Variants in CHODL observed in about 807,000 individuals in gnomAD.
The protein encoded by CHODL is transmembrane protein MT75.
CHODL carries 29 observed loss-of-function variants against 34.5 expected under a neutral mutation model. The observed-to-expected ratio is 0.84, with a 90% CI of 0.63 to 1.15. The LOEUF (loss-of-function observed/expected upper bound fraction) is 1.15. CHODL is among the 50% of genes most tolerant of loss of function. The pLI, the probability that CHODL is intolerant of heterozygous loss-of-function variation, is 0.00. For synonymous variants in CHODL, 125 were observed against 116.1 expected, an observed-to-expected ratio of 1.08 and a Z score of -0.49; for missense variants, 332 against 332.5, an observed-to-expected ratio of 1.00 and a Z score of 0.01.
upstream of CHODL, among the ~76,000 whole-genome samples, chr21:18,244,616 C>A (rs1377377827): frequency 6.6e-6 from 1 of 152,138 alleles, no homozygotes; most frequent in Non-Finnish European, 1.5e-5. Context: ...CAAAGAGTAT[C>A]CAGTCCGCTA....
At chr21:17,965,058 C>T (rs1370558589) in intron 1 of CHODL, among the ~76,000 whole-genome samples, 1 of 152,190 alleles carries the variant, frequency 6.6e-6, no homozygotes, top group East Asian at 1.9e-4. Context: ...ATTAAATTTA[C>T]ATTTTAATTT....
At chr21:17,993,723 G>T (rs573980013) in intron 1 of CHODL, among the ~76,000 whole-genome samples, 1 of 152,292 alleles carries the variant, frequency 6.6e-6, no homozygotes, top group East Asian at 1.9e-4. Flanking sequence ...ATTCCTTTGG[G>T]AATATATCCA....
chr21:18,187,912 T>G (rs946516778), intron 2 of CHODL, among the ~76,000 whole-genome samples: 3 of 152,166 alleles, frequency 2.0e-5, no homozygotes, highest in African/African-American at 7.2e-5. Context: ...TTTGTTTACC[T>G]TCAGGCAAAA....
chr21:17,935,581 T>C lies in CHODL; in HGVS notation c.-145+18181T>C, dbSNP rs146101440. Among the ~76,000 whole-genome samples, 8 of 152,344 alleles carry C rather than the reference T, an allele frequency of 5.3e-5. No individual in the cohort carries two copies. The East Asian group carries it at 1.5e-3, about 29-fold the overall frequency. On this transcript the variant is annotated intron_variant, in intron 1 of 6. Coordinates refer to the CHODL transcript ENST00000400127. ...AAATGAATAATTTAAGTGACAAATG[T>C]CAAGAATTATCTTTTTTAACAAAAT... is the stretch of plus-strand genomic sequence containing the variant.
chr21:18,141,723 GAAA>G lies in CHODL; in HGVS notation c.-45+113766_-45+113768del, dbSNP rs11308901. ...AGGAGATCCCCTTGAGAAAGAACAG[GAAA>G]AAAAAAAAAAAAAGAAAATGATAAT... On this transcript the variant is annotated intron_variant, in intron 2 of 6. Coordinates refer to the CHODL transcript ENST00000400127. Among the ~76,000 whole-genome samples the G allele has an allele frequency of 1.3e-3, 159 of 124,596 alleles. 1 individual carries two copies. Among genetic ancestry groups the G allele is most frequent in the African/African-American group, 4.2e-3 (152 of 36,228 alleles). 81.7% of individuals were successfully genotyped at this position (124,596 alleles called of 152,430 possible).
intron 1 of CHODL, 93 bp downstream of exon 1, chr21:18,245,395 G>A: frequency 8.8e-7 from 1 of 1,130,540 alleles, no homozygotes; most frequent in South Asian, 1.6e-5. Flanking sequence ...GCTCTCCGGG[G>A]CGTTGGAAAC....
chr21:18,209,103 C>T (rs927643029), intron 2 of CHODL, among the ~76,000 whole-genome samples: 12 of 152,150 alleles, frequency 7.9e-5, no homozygotes, highest in Non-Finnish European at 2.9e-5. Context: ...TTCTTTTCTT[C>T]AGGATGGCAA....
chr21:18,021,737 C>T (rs190674624), intron 1 of CHODL, among the ~76,000 whole-genome samples: 1 of 151,986 alleles, frequency 6.6e-6, no homozygotes, highest in Non-Finnish European at 1.5e-5. Context: ...TTTTTCCTAC[C>T]ACCTCATAGT....
chr21:18,094,515 C>G (rs566548435), intron 2 of CHODL, among the ~76,000 whole-genome samples: 6 of 151,942 alleles, frequency 3.9e-5, no homozygotes, highest in African/African-American at 1.4e-4. Context: ...TCTTCTCTAA[C>G]GATAATGGAA....
At chr21:17,980,722 A>G (rs764956598) in intron 1 of CHODL, among the ~76,000 whole-genome samples, 9 of 152,176 alleles carry the variant, frequency 5.9e-5, no homozygotes, top group Middle Eastern at 6.3e-3. Context: ...TTACAGTTAA[A>G]TACTTCTGAG....
At chr21:18,250,663 A>G (rs989231819) in intron 1 of CHODL, among the ~76,000 whole-genome samples, 15 of 151,984 alleles carry the variant, frequency 9.9e-5, no homozygotes, top group African/African-American at 3.4e-4. Flanking sequence ...TTTTAGTTCA[A>G]AAGTGTTGGC....
intron 2 of CHODL, among the ~76,000 whole-genome samples, chr21:18,151,641 C>A (rs555150222): frequency 6.6e-6 from 1 of 152,180 alleles, no homozygotes; most frequent in Non-Finnish European, 1.5e-5. Flanking sequence ...CAACTGATAT[C>A]GGCAGACGGG....
At chr21:18,172,068 C>T (rs550154360) in intron 2 of CHODL, among the ~76,000 whole-genome samples, 1 of 152,310 alleles carries the variant, frequency 6.6e-6, no homozygotes, top group East Asian at 1.9e-4. Flanking sequence ...CACAGCCTTA[C>T]ATATTTTCAT....
chr21:17,925,005 T>G (rs573863251), intron 1 of CHODL, among the ~76,000 whole-genome samples: 1 of 152,252 alleles, frequency 6.6e-6, no homozygotes, highest in South Asian at 2.1e-4. Context: ...AAGGCAAATA[T>G]TATAAAAAGA....
At chr21:17,996,077 A>ATTTT (rs536411459) in intron 1 of CHODL, among the ~76,000 whole-genome samples, 315 of 145,848 alleles carry the variant, frequency 2.2e-3, no homozygotes, top group African/African-American at 7.2e-3. Flanking sequence ...CTCATCATTT[A>ATTTT]TTTTTTTTTT....
At chr21:17,990,162 A>AGT (rs896264482) in intron 1 of CHODL, among the ~76,000 whole-genome samples, 3 of 152,024 alleles carry the variant, frequency 2.0e-5, no homozygotes, top group African/African-American at 7.2e-5. Flanking sequence ...GCCAAACCAA[A>AGT]GTGTGTGTAT....
chr21:18,012,956 T>A (rs1264853492), intron 1 of CHODL, among the ~76,000 whole-genome samples: 1 of 152,206 alleles, frequency 6.6e-6, no homozygotes, highest in Non-Finnish European at 1.5e-5. Flanking sequence ...ATGTAGAACA[T>A]GATATTTAGC....
At chr21:18,247,509 A>G (rs2074155900) in intron 1 of CHODL, among the ~76,000 whole-genome samples, 1 of 152,136 alleles carries the variant, frequency 6.6e-6, no homozygotes, top group Non-Finnish European at 1.5e-5. Flanking sequence ...CACCTTTTCT[A>G]AAGTTTAGAG....
Position 17,959,087 on chromosome 21 carries a change from A to AT in CHODL, c.-145+41693dup, listed in dbSNP as rs376636162. 4.4e-3 allele frequency among the ~76,000 whole-genome samples: 675 copies of AT among 152,178 alleles called. 7 individuals carry two copies. Among genetic ancestry groups the AT allele is most frequent in the African/African-American group, 0.016 (649 of 41,534 alleles). On this transcript the variant is annotated intron_variant, in intron 1 of 6. Transcript: ENST00000400127. ...TAAAAGGAAATAAGGAAAAAGGGAG[A>AT]TTTTTTAGAAAGCAGGAGGAAGGTA...
Sources: gnomAD v4.1 joint callset for allele counts (sites outside exome capture counted in the v4.1 genomes callset) on GRCh38, gnomAD v4.1.1 for gene constraint, MANE v1.5 for transcripts, NCBI Gene and HGNC (gene_info 2026-07-23, HGNC 2026-07-21) for gene names.